PKNOX2: variants seen among roughly 807,000 people sequenced by gnomAD.
PKNOX2 encodes the protein PBX/knotted 1 homeobox 2.
Under a neutral mutation model 53.1 loss-of-function variants are expected in PKNOX2, and 14 were observed. The observed-to-expected ratio is 0.26, with a 90% confidence interval of 0.17 to 0.41. The LOEUF (loss-of-function observed/expected upper bound fraction) is 0.41. Among genes scored for constraint, PKNOX2 ranks in the 10% least tolerant of loss-of-function variants. PKNOX2 has a pLI of 1.00. For synonymous variants in PKNOX2, 257 were observed against 242.8 expected, an observed-to-expected ratio of 1.06 and a Z score of -0.54; for missense variants, 496 against 602.8, an observed-to-expected ratio of 0.82 and a Z score of 1.85.
At chr11:125,175,447 G>A (rs1378015105) in intron 1 of PKNOX2, among the ~76,000 whole-genome samples, 2 of 152,218 alleles carry the variant, frequency 1.3e-5, no homozygotes, top group Admixed American at 1.3e-4. Flanking sequence ...AAAGGCAGAA[G>A]AAGGATGTTC....
At chr11:125,178,989 G>A (rs1565462667) in intron 1 of PKNOX2, among the ~76,000 whole-genome samples, 2 of 152,136 alleles carry the variant, frequency 1.3e-5, no homozygotes, top group Admixed American at 6.5e-5. Context: ...GGGCTCGGAT[G>A]GCGCAGGTCC....
chr11:125,308,320 G>A (rs1016759211), intron 2 of PKNOX2, among the ~76,000 whole-genome samples: 1 of 152,178 alleles, frequency 6.6e-6, no homozygotes, highest in Non-Finnish European at 1.5e-5. Flanking sequence ...GAGCTCAGGA[G>A]GAACCACCCC....
chr11:125,341,266 G>A (rs1950670907), intron 3 of PKNOX2, among the ~76,000 whole-genome samples: 1 of 151,174 alleles, frequency 6.6e-6, no homozygotes, highest in Non-Finnish European at 1.5e-5. Flanking sequence ...TGGGGCAGGA[G>A]AATCGCTTGA....
In PKNOX2 at chr11:125,331,813, T is replaced by C. The variant is rs1950158905; in HGVS notation, c.-129-6T>C. 6.6e-6 allele frequency: 1 copy of C among 152,308 alleles called. No homozygotes were observed. The allele number at this position is 152,308 out of a possible 1,614,324, so 9.4% of individuals were successfully genotyped here. On this transcript the variant is annotated splice_region_variant and splice_polypyrimidine_tract_variant and intron_variant, in intron 2 of 12. Transcript: ENST00000298282. Reference sequence around the variant, plus strand: ...CTGCTGAGAGCTGCTCTACCCTTTTTTGCAGGTGCTTTGGCTCTAGCAGAC... The same window carrying C: ...CTGCTGAGAGCTGCTCTACCCTTTTCTGCAGGTGCTTTGGCTCTAGCAGAC...
At position 125,165,206 on chromosome 11, in the gene PKNOX2, C is replaced by T. The variant is rs1163401007; in HGVS notation, c.-201+430C>T. Among the ~76,000 whole-genome samples the T allele has an allele frequency of 6.6e-6, 1 of 151,304 alleles. No individual in the cohort carries two copies. Among genetic ancestry groups the T allele is most frequent in the African/African-American group, 2.4e-5 (1 of 41,342 alleles). The stretch of plus-strand genomic sequence containing the variant: ...GGGCCCGTGGCCGGCCGCGCATTGT[C>T]CTCGGGTGCAAGGAGCCGGGCTGCG... On this transcript the variant is annotated intron_variant, in intron 1 of 12. Coordinates refer to ENST00000298282, the MANE Select transcript of PKNOX2 (RefSeq NM_001382323.2). This position sits in a 1 kb window ranked among gnomAD's most constrained non-coding sequence, Gnocchi z 4.5.
At chr11:125,394,223 A>G (rs1335760249) in intron 6 of PKNOX2, among the ~76,000 whole-genome samples, 4 of 152,234 alleles carry the variant, frequency 2.6e-5, no homozygotes, top group African/African-American at 9.6e-5. Context: ...GTTCGTGGCC[A>G]AAGTCAAGTA....
At chr11:125,307,781 A>T (rs1948560824) in intron 2 of PKNOX2, among the ~76,000 whole-genome samples, 1 of 152,216 alleles carries the variant, frequency 6.6e-6, no homozygotes. Flanking sequence ...TCTTGCTGCT[A>T]ATATGCAAAG....
intron 1 of PKNOX2, among the ~76,000 whole-genome samples, chr11:125,189,437 GTGTGTGTGTGTATATA>G (rs1323751825): frequency 2.2e-3 from 124 of 57,222 alleles, no homozygotes; most frequent in African/African-American, 6.3e-3. Context: ...GTGTGTGTGT[GTGTGTGTGTGTATATA>G]TATATATATA....
intron 3 of PKNOX2, among the ~76,000 whole-genome samples, chr11:125,344,908 C>T (rs1950892337): frequency 1.3e-5 from 2 of 152,088 alleles, no homozygotes; most frequent in Non-Finnish European, 2.9e-5. Flanking sequence ...GATGTGAGAC[C>T]TGAGTGCAAA....
At chr11:125,323,477 G>GT (rs1254406056) in intron 2 of PKNOX2, among the ~76,000 whole-genome samples, 2 of 152,188 alleles carry the variant, frequency 1.3e-5, no homozygotes, top group African/African-American at 4.8e-5. Context: ...GGCACAAGGT[G>GT]TAAATCTTCC....
chr11:125,170,575 C>T (rs1955218040), intron 1 of PKNOX2, among the ~76,000 whole-genome samples: 2 of 152,218 alleles, frequency 1.3e-5, no homozygotes, highest in African/African-American at 4.8e-5. Context: ...GAGCTTGCTG[C>T]AAATGCGTTG....
intron 7 of PKNOX2, 53 bp downstream of exon 7, chr11:125,398,115 C>G: frequency 6.5e-7 from 1 of 1,530,950 alleles, no homozygotes; most frequent in Middle Eastern, 1.8e-4. Flanking sequence ...AAGCCCAGCT[C>G]TGGAGCCACG....
intron 2 of PKNOX2, among the ~76,000 whole-genome samples, chr11:125,292,676 C>T (rs533457739): frequency 2.6e-5 from 4 of 152,180 alleles, no homozygotes; most frequent in Admixed American, 6.5e-5. Context: ...CTTTCACTCA[C>T]GAGGCTGGCT....
chr11:125,307,492 A>T (rs1948542183), intron 2 of PKNOX2, among the ~76,000 whole-genome samples: 1 of 152,194 alleles, frequency 6.6e-6, no homozygotes, highest in African/African-American at 2.4e-5. Flanking sequence ...TGGGAGGTAG[A>T]GGTTGCAGTG....
intron 2 of PKNOX2, among the ~76,000 whole-genome samples, chr11:125,306,082 T>C (rs1348688472): frequency 1.3e-5 from 2 of 152,046 alleles, no homozygotes; most frequent in African/African-American, 4.8e-5. Context: ...CAAAAGTGGC[T>C]CTACCAGGGG....
At chr11:125,223,618 G>A (rs1487010024) in intron 1 of PKNOX2, among the ~76,000 whole-genome samples, 1 of 152,160 alleles carries the variant, frequency 6.6e-6, no homozygotes, top group Admixed American at 6.5e-5. Flanking sequence ...TAACGAAGCC[G>A]TCAGTAAGGG....
chr11:125,221,952 C>A (rs1351950466), intron 1 of PKNOX2, among the ~76,000 whole-genome samples: 1 of 152,122 alleles, frequency 6.6e-6, no homozygotes, highest in Non-Finnish European at 1.5e-5. Context: ...GAGGCAGAGA[C>A]CTAACACAGT....
At chr11:125,259,891 T>C (rs1468727380) in intron 2 of PKNOX2, among the ~76,000 whole-genome samples, 1 of 151,500 alleles carries the variant, frequency 6.6e-6, no homozygotes, top group Non-Finnish European at 1.5e-5. Flanking sequence ...TTTTTTTTTT[T>C]AAAGAGACAG....
At chr11:125,234,054 C>T (rs1942462646) in intron 1 of PKNOX2, among the ~76,000 whole-genome samples, 1 of 152,164 alleles carries the variant, frequency 6.6e-6, no homozygotes, top group Non-Finnish European at 1.5e-5. Context: ...GCCCCTTGGC[C>T]CTTGCTTGGA....
Sources: allele counts gnomAD v4.1 joint callset (sites outside exome capture counted in the v4.1 genomes callset), GRCh38; gene constraint gnomAD v4.1.1; non-coding constraint Gnocchi (gnomAD v3.1); transcripts MANE v1.5; gene names NCBI Gene and HGNC (gene_info 2026-07-23, HGNC 2026-07-21).